CTNNA3: variants seen among roughly 807,000 people sequenced by gnomAD.
CTNNA3 encodes the protein catenin alpha-3.
In CTNNA3, 76 loss-of-function variants were observed where a neutral mutation model predicts 95.7. The ratio of observed to expected loss-of-function variants is 0.79; its 90% CI spans 0.66 to 0.96. The LOEUF (loss-of-function observed/expected upper bound fraction) is 0.96, where lower values mean the gene tolerates loss of function less well. Among genes scored for constraint, CTNNA3 ranks in the 40% least tolerant of loss-of-function variants. The probability of loss-of-function intolerance (pLI) is 0.00; values close to 1 mark genes in which losing one functional copy is unlikely to be tolerated. For synonymous variants in CTNNA3, 431 were observed against 374.4 expected, an observed-to-expected ratio of 1.15 and a Z score of -1.74; for missense variants, 1,191 against 1,089.8, an observed-to-expected ratio of 1.09 and a Z score of -1.31.
chr10:66,037,148 A>G (rs912058786), intron 15 of CTNNA3, among the ~76,000 whole-genome samples: 4 of 152,156 alleles, frequency 2.6e-5, no homozygotes, highest in Non-Finnish European at 5.9e-5. Context: ...CTGGGATTAC[A>G]GGCATGAGCC....
chr10:67,020,724 T>A (rs1852953502), intron 7 of CTNNA3, among the ~76,000 whole-genome samples: 2 of 152,278 alleles, frequency 1.3e-5, no homozygotes, highest in Middle Eastern at 3.4e-3. Flanking sequence ...ACCTGGGTTT[T>A]AAAAAGGCAT....
intron 13 of CTNNA3, among the ~76,000 whole-genome samples, chr10:66,179,370 G>T (rs1168919666): frequency 6.6e-6 from 1 of 152,046 alleles, no homozygotes; most frequent in Non-Finnish European, 1.5e-5. Flanking sequence ...GTTGAGGAAG[G>T]GTTGGGAGTT....
intron 7 of CTNNA3, among the ~76,000 whole-genome samples, chr10:67,057,656 A>T (rs1026259720): frequency 1.3e-5 from 2 of 152,122 alleles, no homozygotes; most frequent in Admixed American, 6.6e-5. Context: ...TACTTCAAGA[A>T]GCACCCTCAG....
At chr10:67,288,568 G>C (rs562224903) in intron 5 of CTNNA3, among the ~76,000 whole-genome samples, 4 of 152,082 alleles carry the variant, frequency 2.6e-5, no homozygotes, top group Non-Finnish European at 5.9e-5. Context: ...GAACAAACCA[G>C]CTTCCGCAAC....
At chr10:66,614,679 C>G (rs1047302851) in intron 10 of CTNNA3, among the ~76,000 whole-genome samples, 3 of 152,006 alleles carry the variant, frequency 2.0e-5, no homozygotes, top group Admixed American at 2.0e-4. Context: ...TCTCTGGAAG[C>G]TGTTTTAGCC....
intron 14 of CTNNA3, among the ~76,000 whole-genome samples, chr10:66,077,170 T>C (rs1382737881): frequency 6.6e-6 from 1 of 151,780 alleles, no homozygotes; most frequent in East Asian, 1.9e-4. Flanking sequence ...TAAAATGCTA[T>C]GATGTTTCAA....
chr10:66,355,808 GTTTTC>G (rs1471626339), intron 12 of CTNNA3, among the ~76,000 whole-genome samples: 2 of 151,746 alleles, frequency 1.3e-5, no homozygotes, highest in African/African-American at 2.4e-5. Context: ...TTTATCCTAT[GTTTTC>G]TTTTAAGAGT....
intron 9 of CTNNA3, among the ~76,000 whole-genome samples, chr10:66,717,493 G>A (rs1166765014): frequency 3.3e-5 from 5 of 152,078 alleles, no homozygotes; most frequent in African/African-American, 9.7e-5. Context: ...TTATCACAGC[G>A]CTTTTTGAGG....
intron 7 of CTNNA3, among the ~76,000 whole-genome samples, chr10:66,990,594 T>C (rs1850988938): frequency 6.6e-6 from 1 of 152,112 alleles, no homozygotes; most frequent in South Asian, 2.1e-4. Flanking sequence ...AACTGAGAAA[T>C]AAAGAGGTCA....
At chr10:67,620,154 T>C (rs1589497646) in intron 2 of CTNNA3, among the ~76,000 whole-genome samples, 1 of 152,098 alleles carries the variant, frequency 6.6e-6, no homozygotes, top group African/African-American at 2.4e-5. Context: ...TGAAGCACCA[T>C]CAAGGGCCAA....
chr10:66,301,409 C>T (rs78577256), intron 12 of CTNNA3, among the ~76,000 whole-genome samples: 3,013 of 151,670 alleles, frequency 0.02, 107 homozygotes, highest in African/African-American at 0.068. Flanking sequence ...AACATAAATG[C>T]CAAGATTTTT....
At chr10:67,325,686 C>T (rs1841510604) in intron 5 of CTNNA3, among the ~76,000 whole-genome samples, 1 of 152,022 alleles carries the variant, frequency 6.6e-6, no homozygotes, top group South Asian at 2.1e-4. Context: ...GCCATGTGGT[C>T]ATGAGAAGAA....
At chr10:67,149,573 A>G (rs1861002494) in intron 7 of CTNNA3, among the ~76,000 whole-genome samples, 2 of 152,170 alleles carry the variant, frequency 1.3e-5, no homozygotes, top group Admixed American at 6.6e-5. Context: ...CAACAGAGAT[A>G]GACTCCGTCT....
At chr10:66,372,504 T>C (rs1209525309) in intron 12 of CTNNA3, among the ~76,000 whole-genome samples, 1 of 152,124 alleles carries the variant, frequency 6.6e-6, no homozygotes, top group African/African-American at 2.4e-5. Context: ...ATCTTCCAAT[T>C]CTCCCTTCTT....
intron 7 of CTNNA3, among the ~76,000 whole-genome samples, chr10:66,916,858 T>G (rs1440676564): frequency 1.3e-5 from 2 of 152,046 alleles, no homozygotes; most frequent in African/African-American, 4.8e-5. Flanking sequence ...AAAAAACAAT[T>G]TTCTTTTCCT....
chr10:66,311,994 T>C (rs945553546), intron 12 of CTNNA3, among the ~76,000 whole-genome samples: 1 of 152,232 alleles, frequency 6.6e-6, no homozygotes, highest in Non-Finnish European at 1.5e-5. Flanking sequence ...GTTGTAATTA[T>C]GTAAAACTTA....
intron 12 of CTNNA3, among the ~76,000 whole-genome samples, chr10:66,306,442 CAAT>C (rs10541424): frequency 0.26 from 39,737 of 151,978 alleles, 5,443 homozygotes; most frequent in African/African-American, 0.32. Flanking sequence ...TGGTGTTTCT[CAAT>C]AATGCACTTT....
chr10:66,259,208 G>T (rs1011505660), intron 13 of CTNNA3, among the ~76,000 whole-genome samples: 1 of 152,018 alleles, frequency 6.6e-6, no homozygotes, highest in African/African-American at 2.4e-5. Context: ...TAATGGAATC[G>T]TTTCTTCTCC....
At chr10:66,673,863 G>T (rs1218779032) in intron 9 of CTNNA3, among the ~76,000 whole-genome samples, 2 of 151,964 alleles carry the variant, frequency 1.3e-5, no homozygotes, top group African/African-American at 4.8e-5. Flanking sequence ...CAGATTAGAA[G>T]TTCAATGGCA....
Sources: allele counts gnomAD v4.1 joint callset (sites outside exome capture counted in the v4.1 genomes callset), GRCh38; gene constraint gnomAD v4.1.1; transcripts MANE v1.5; gene names NCBI Gene and HGNC (gene_info 2026-07-23, HGNC 2026-07-21).